The following MYLK4 variants were observed in gnomAD, a reference collection of about 807,000 sequenced individuals.
MYLK4 encodes the protein caMLCK like.
MYLK4 carries 46 observed loss-of-function variants against 48.1 expected under a neutral mutation model. That is an observed-to-expected ratio of 0.96 (90% CI 0.75 to 1.22). The LOEUF is 1.22. MYLK4 is among the 50% of genes most tolerant of loss of function. MYLK4 has a pLI of 0.00. For missense variants in MYLK4, 451 were observed against 486.1 expected, an observed-to-expected ratio of 0.93 and a Z score of 0.68; for synonymous variants, 170 against 180.8, an observed-to-expected ratio of 0.94 and a Z score of 0.48.
chr6:2,685,385 G>A lies in MYLK4; in HGVS notation c.456C>T (p.Ile152=), dbSNP rs961009015. 13 of 1,572,248 alleles carry A rather than the reference G, an allele frequency of 8.3e-6. No homozygotes were observed. The highest frequency in any genetic ancestry group is 1.4e-5 in the African/African-American group (1 of 73,018). ...CGTGGTCCAGCTGGTTCATGACGCT[G>A]ATCTCGTTCTTCACCTCCTCCTGAG... ...MKDKEEVKNE[I]SVMNQLDHAN... Residue 152 remains isoleucine (I), a synonymous_variant, in exon 6 of 13, where the codon ATC becomes ATT. Transcript: ENST00000274643. The surrounding 1 kb of genome is among the most constrained non-coding windows in gnomAD (Gnocchi z 4.5).
intron 12 of MYLK4, among the ~76,000 whole-genome samples, chr6:2,671,028 C>G (rs994511284): frequency 6.6e-6 from 1 of 152,032 alleles, no homozygotes; most frequent in Non-Finnish European, 1.5e-5. Flanking sequence ...CTTGAATGAT[C>G]TCGTGGGAGC....
the MYLK4 span, chr6:2,766,049 C>CCGG: frequency 7.7e-7 from 1 of 1,295,658 alleles, no homozygotes; most frequent in East Asian, 3.1e-5. Flanking sequence ...GGGGAAGAGG[C>CCGG]CGGCGGCCGC....
At chr6:2,766,540 C>T in the MYLK4 span, 44 of 1,407,812 alleles carry the variant, frequency 3.1e-5, no homozygotes, top group Non-Finnish European at 4.1e-5. Context: ...CGAAAGAAGC[C>T]GCCTGCCTCT....
chr6:2,704,532 T>C (rs928130999), intron 2 of MYLK4, among the ~76,000 whole-genome samples: 1 of 152,232 alleles, frequency 6.6e-6, no homozygotes, highest in Non-Finnish European at 1.5e-5. Context: ...ACTATAAACA[T>C]TCATTTGCTT....
chr6:2,675,396 T>C (rs1488170650), intron 10 of MYLK4, among the ~76,000 whole-genome samples: 1 of 152,226 alleles, frequency 6.6e-6, no homozygotes, highest in African/African-American at 2.4e-5. Context: ...TAAGTAACCA[T>C]TTCTGTAGTA....
intron 3 of MYLK4, among the ~76,000 whole-genome samples, 155 bp downstream of exon 3, chr6:2,692,629 C>CCA (rs1761846485): frequency 2.6e-5 from 1 of 38,372 alleles, no homozygotes; most frequent in Non-Finnish European, 4.6e-5. Context: ...CAAACACAAG[C>CCA]AAAAAAAAAA....
At chr6:2,718,004 A>C (rs1762930104) in intron 2 of MYLK4, among the ~76,000 whole-genome samples, 1 of 152,134 alleles carries the variant, frequency 6.6e-6, no homozygotes, top group African/African-American at 2.4e-5. Context: ...AACATGGAGA[A>C]ACCCCGTCTC....
At chr6:2,722,340 G>A (rs1021780172) in intron 2 of MYLK4, among the ~76,000 whole-genome samples, 3 of 152,008 alleles carry the variant, frequency 2.0e-5, no homozygotes, top group Non-Finnish European at 2.9e-5. Flanking sequence ...ATAACTCCAG[G>A]GAAAAGAAAA....
At chr6:2,756,962 G>T in the MYLK4 span, among the ~76,000 whole-genome samples, 1 of 152,176 alleles carries the variant, frequency 6.6e-6, no homozygotes, top group Non-Finnish European at 1.5e-5. Context: ...GCTTATGATA[G>T]TAACAAGGCA....
At position 2,666,421 on chromosome 6, in the gene MYLK4, T is replaced by G. The variant is rs1015897743; in HGVS notation, c.*1504A>C. ...GGCGTGCGCCTGTAATCCCAGCTAC[T>G]CGGGAGGCTGCAGGAGAATCGCTTG... is the stretch of plus-strand genomic sequence containing the variant. On this transcript the variant is annotated 3_prime_UTR_variant, in exon 13 of 13. Coordinates refer to ENST00000274643, the MANE Select transcript of MYLK4 (RefSeq NM_001012418.5). 6.6e-6 allele frequency: 1 copy of G among 152,142 alleles called. No homozygotes were observed. The highest frequency in any genetic ancestry group is 2.4e-5 in the African/African-American group (1 of 41,370). 9.4% of individuals were successfully genotyped at this position (152,142 alleles called of 1,614,324 possible). A position where few individuals can be genotyped will look rare whatever the true frequency, so the allele number is the denominator to read the frequency against.
chr6:2,706,511 T>A (rs1762495015), intron 2 of MYLK4, among the ~76,000 whole-genome samples: 1 of 152,226 alleles, frequency 6.6e-6, no homozygotes, highest in Non-Finnish European at 1.5e-5. Context: ...ATTTTTTGTA[T>A]ATAAATTTAT....
Position 2,749,327 on chromosome 6 carries a change from G to A in MYLK4, c.-33C>T, listed in dbSNP as rs1348451591. On this transcript the variant is annotated 5_prime_UTR_variant, in exon 2 of 13. Transcript: ENST00000274643. ...GTGAGTCCGATTAAGCTACTTTCTGGAGTGTGGTTTTCGTCTCCCTCTGTC... is the reference window on the plus strand; with the variant it reads ...GTGAGTCCGATTAAGCTACTTTCTGAAGTGTGGTTTTCGTCTCCCTCTGTC... The A allele has an allele frequency of 3.8e-6, 6 of 1,592,386 alleles. No homozygotes were observed. The highest frequency in any genetic ancestry group is 5.1e-6 in the Non-Finnish European group (6 of 1,166,874).
rs1344221119 is a variant in MYLK4 at position 2,749,241 on chromosome 6, C to G, written c.54G>C (p.Gln18His). Residue 18 changes from glutamine to histidine, a missense_variant, in exon 2 of 13, where the codon CAG (glutamine) becomes CAC (histidine). Gln to His is a conservative substitution (Grantham distance 24). Transcript: ENST00000274643. Reference sequence around the variant, plus strand: ...ACTGAAAAAAGGCCATTTTCTCCAGCTGGTTGCTGTTATAACACGTGTTGA... The same window carrying G: ...ACTGAAAAAAGGCCATTTTCTCCAGGTGGTTGCTGTTATAACACGTGTTGA... ...EEFNTCYNSN[Q>H]LEKMAFFQCR... The G allele has an allele frequency of 1.2e-6, 2 of 1,614,140 alleles. No individual in the cohort carries two copies. Among genetic ancestry groups the G allele is most frequent in the South Asian group, 1.1e-5 (1 of 91,086 alleles).
intron 2 of MYLK4, among the ~76,000 whole-genome samples, chr6:2,717,110 G>A (rs1021910876): frequency 1.3e-5 from 2 of 152,226 alleles, no homozygotes; most frequent in African/African-American, 4.8e-5. Flanking sequence ...TGCCTGGTTA[G>A]CAGCCACTGC....
the MYLK4 span, chr6:2,766,145 G>T: frequency 6.0e-6 from 8 of 1,327,244 alleles, no homozygotes; most frequent in Non-Finnish European, 7.7e-6. Context: ...CGGCGATGGC[G>T]ACGGGGACGC....
In MYLK4 at chr6:2,689,231, T is replaced by A. The variant is rs551660483; in HGVS notation, c.236-275A>T. On this transcript the variant is annotated intron_variant, in intron 3 of 12. Transcript: ENST00000274643. ...ATCACTTTTAGAAATGTCAAAATAG[T>A]TGAAAATTTCCAACCCAACACAGTC... 2.0e-5 allele frequency among the ~76,000 whole-genome samples: 3 copies of A among 152,222 alleles called. No individual in the cohort carries two copies. The East Asian group carries it at 5.8e-4, about 29-fold the overall frequency.
intron 2 of MYLK4, among the ~76,000 whole-genome samples, chr6:2,737,735 A>T (rs1763731533): frequency 6.6e-6 from 1 of 152,142 alleles, no homozygotes; most frequent in Admixed American, 6.5e-5. Flanking sequence ...TTAAGTGTGG[A>T]AAGACATGAA....
At chr6:2,715,268 A>AC (rs1762827147) in intron 2 of MYLK4, among the ~76,000 whole-genome samples, 1 of 151,738 alleles carries the variant, frequency 6.6e-6, no homozygotes. Flanking sequence ...TTCAAAAAAA[A>AC]AAAAAATGGG....
intron 7 of MYLK4, chr6:2,680,569 A>G: frequency 1.0e-6 from 1 of 985,442 alleles, no homozygotes; most frequent in Non-Finnish European, 1.2e-6. Context: ...GGAGCAAGAA[A>G]AGGAGGTTGC....
Sources: allele counts gnomAD v4.1 joint callset (sites outside exome capture counted in the v4.1 genomes callset), GRCh38; gene constraint gnomAD v4.1.1; non-coding constraint Gnocchi (gnomAD v3.1); transcripts MANE v1.5; gene names NCBI Gene and HGNC (gene_info 2026-07-23, HGNC 2026-07-21).